OR51L1: variants seen among roughly 807,000 people sequenced by gnomAD.
The protein encoded by OR51L1 is olfactory receptor family 51 subfamily L member 1.
In OR51L1, 1 loss-of-function variant was observed where a neutral mutation model predicts 1.4. The ratio of observed to expected loss-of-function variants is 0.72; its 90% CI spans 0.26 to 3.42. OR51L1 has a LOEUF of 3.42. Among genes scored for constraint, OR51L1 ranks in the 30% most tolerant of loss-of-function variants. The probability of loss-of-function intolerance (pLI) is 0.20; values close to 1 mark genes in which losing one functional copy is unlikely to be tolerated. For missense variants in OR51L1, 378 were observed against 380.0 expected (o/e 0.99, Z 0.04); for synonymous variants, 156 against 144.2 (o/e 1.08, Z -0.59).
intron 2 of OR51L1, 94 bp from the exon 3 acceptor site, chr11:4,998,730 A>G: frequency 2.4e-6 from 1 of 414,178 alleles, no homozygotes; most frequent in Non-Finnish European, 4.3e-6. Context: ...TGCAAATCCA[A>G]CGTATTTCTT....
In OR51L1 at chr11:4,999,282, T is replaced by C. The variant is rs1287416459; in HGVS notation, c.300T>C (p.Tyr100=). Residue 100 remains tyrosine, a synonymous_variant, in exon 3 of 3, where the codon TAT becomes TAC. Coordinates refer to ENST00000641819, the MANE Select transcript of OR51L1 (RefSeq NM_001004755.2). ...DAPEIQASAC[Y]AQLFFIHTFT... ...CAGAGATCCAGGCAAGTGCTTGCTA[T>C]GCTCAGCTGTTCTTCATCCACACAT... 1 of 1,614,226 alleles carries C rather than the reference T, an allele frequency of 6.2e-7. No homozygotes were observed. The highest frequency in any genetic ancestry group is 1.7e-5 in the Admixed American group (1 of 60,018).
intron 1 of OR51L1, among the ~76,000 whole-genome samples, chr11:4,996,190 C>G (rs989170830): frequency 2.0e-5 from 3 of 151,564 alleles, no homozygotes; most frequent in African/African-American, 7.3e-5. Flanking sequence ...AATTGTATAC[C>G]GAAAATTTGC....
chr11:5,003,317 G>A lies in OR51L1; in HGVS notation c.*3387G>A, dbSNP rs1225416928. 2.6e-5 allele frequency: 4 copies of A among 152,004 alleles called. No homozygotes were observed. The highest frequency in any genetic ancestry group is 4.4e-5 in the Non-Finnish European group (3 of 68,032). 9.4% of individuals were successfully genotyped at this position (152,004 alleles called of 1,614,324 possible). ...TGAGCATGCACAGTGTGTTTAGGAA[G>A]TTGTACACGTGCCCATCTGAGGCTT... On this transcript the variant is annotated 3_prime_UTR_variant, in exon 3 of 3. Transcript: ENST00000641819.
In OR51L1 at chr11:5,001,095, T is replaced by C. The variant is rs997761229; in HGVS notation, c.*1165T>C. ...CCCCAGCTAATTTTTGTATTTTTAG[T>C]AGATGCGGGGTTTCACCATGTTGGG... is the stretch of plus-strand genomic sequence containing the variant. On this transcript the variant is annotated 3_prime_UTR_variant, in exon 3 of 3. Coordinates refer to ENST00000641819, the MANE Select transcript of OR51L1 (RefSeq NM_001004755.2). 3 of 152,084 alleles carry C rather than the reference T, an allele frequency of 2.0e-5. No individual in the cohort carries two copies. The highest frequency in any genetic ancestry group is 7.2e-5 in the African/African-American group (3 of 41,398). The allele number at this position is 152,084 out of a possible 1,614,324, so 9.4% of individuals were successfully genotyped here.
rs1847107256 is a variant in OR51L1, at chr11:4,999,550, T to C, written c.568T>C (p.Ser190Pro). The change falls in exon 3 of 3, where the codon TCC becomes CCC. Residue 190 changes from serine (S) to proline (P), a missense_variant. Coordinates refer to ENST00000641819, the MANE Select transcript of OR51L1 (RefSeq NM_001004755.2). ...FCLHQDVLRLSCTDARTNSIY... is the reference protein window; with the variant it reads ...FCLHQDVLRLPCTDARTNSIY... The stretch of plus-strand genomic sequence containing the variant: ...TTTGCACCAGGATGTTCTAAGATTA[T>C]CCTGTACAGATGCCAGGACCAACAG... The C allele has an allele frequency of 1.2e-6, 2 of 1,614,056 alleles. No individual in the cohort carries two copies. The highest frequency in any genetic ancestry group is 1.7e-6 in the Non-Finnish European group (2 of 1,179,994).
intron 1 of OR51L1, among the ~76,000 whole-genome samples, chr11:4,996,721 TTTTCTTTCTTTCTTTCTTTCTTTC>T (rs61073391): frequency 1.3e-4 from 14 of 106,276 alleles, no homozygotes; most frequent in African/African-American, 5.0e-4. Context: ...CTTTCTTTTC[TTTTCTTTCTTTCTTTCTTTCTTTC>T]TTTCTTTCTT....
At position 4,999,121 on chromosome 11, in the gene OR51L1, A is replaced by C; in HGVS notation, c.139A>C (p.Ile47Leu). The change falls in exon 3 of 3, where the codon ATC (isoleucine) becomes CTC (leucine). Residue 47 changes from isoleucine (I) to leucine (L), a missense_variant. Coordinates refer to ENST00000641819, the MANE Select transcript of OR51L1 (RefSeq NM_001004755.2). ...GGTAGCATTTATGGGTAATGTTACCATCCTGTCTGTCATTTGGATAGAATC... is the reference window on the plus strand; with the variant it reads ...GGTAGCATTTATGGGTAATGTTACCCTCCTGTCTGTCATTTGGATAGAATC... The part of the protein sequence containing the change: ...YLVAFMGNVT[I>L]LSVIWIESSL... The C allele has an allele frequency of 4.3e-6, 7 of 1,614,114 alleles. No homozygotes were observed. The highest frequency in any genetic ancestry group is 5.9e-6 in the Non-Finnish European group (7 of 1,179,998).
In OR51L1 at chr11:5,004,896, T is replaced by C. The variant is rs1847162821; in HGVS notation, c.*4966T>C. 1 of 152,158 alleles carries C rather than the reference T, an allele frequency of 6.6e-6. No homozygotes were observed. Among genetic ancestry groups the C allele is most frequent in the Non-Finnish European group, 1.5e-5 (1 of 68,030 alleles). The allele number at this position is 152,158 out of a possible 1,614,324, so 9.4% of individuals were successfully genotyped here. ...GGTAAGGTCAAGGCATATTTTTTGA[T>C]ATGAATACATAGTTCAGTCAGAACT... On this transcript the variant is annotated 3_prime_UTR_variant, in exon 3 of 3. Coordinates refer to ENST00000641819, the MANE Select transcript of OR51L1 (RefSeq NM_001004755.2).
In OR51L1 at chr11:4,999,552, C is replaced by T. The variant is rs769758520; in HGVS notation, c.570C>T (p.Ser190=). The T allele has an allele frequency of 4.5e-5, 73 of 1,613,872 alleles. No homozygotes were observed. The highest frequency in any genetic ancestry group is 5.3e-5 in the Non-Finnish European group (62 of 1,179,990). ...FCLHQDVLRL[S]CTDARTNSIY... ...TGCACCAGGATGTTCTAAGATTATCCTGTACAGATGCCAGGACCAACAGTA... is the reference window on the plus strand; with the variant it reads ...TGCACCAGGATGTTCTAAGATTATCTTGTACAGATGCCAGGACCAACAGTA... The change falls in exon 3 of 3, where the codon TCC becomes TCT. Residue 190 remains serine (S), a synonymous_variant. Coordinates refer to ENST00000641819, the MANE Select transcript of OR51L1 (RefSeq NM_001004755.2).
Position 4,999,465 on chromosome 11 carries a change from AC to A in OR51L1, c.485del (p.Pro162LeufsTer4), listed in dbSNP as rs1284826430. The stretch of plus-strand genomic sequence containing the variant: ...GAAGCTTGGGAGTTGTACTTCCCAC[AC>A]CTTTGCTACTGAGACACTATCACTA... Reference protein sequence around the residue: ...LRSLGVVLPTPLLLRHYHYCH... With the variant: ...LRSLGVVLPTXLLLRHYHYCH... On this transcript the variant is annotated frameshift_variant, in exon 3 of 3. Transcript: ENST00000641819. LOFTEE classifies it low-confidence loss of function (END_TRUNC). 4 of 1,613,904 alleles carry A rather than the reference AC, an allele frequency of 2.5e-6. No individual in the cohort carries two copies. The highest frequency in any genetic ancestry group is 1.3e-5 in the African/African-American group (1 of 74,886).
rs1419309404 is a variant in OR51L1, at chr11:5,002,449, C to T, written c.*2519C>T. The T allele has an allele frequency of 6.6e-6, 1 of 152,184 alleles. No individual in the cohort carries two copies. The highest frequency in any genetic ancestry group is 1.9e-4 in the East Asian group (1 of 5,194). 9.4% of individuals were successfully genotyped at this position (152,184 alleles called of 1,614,324 possible). On this transcript the variant is annotated 3_prime_UTR_variant, in exon 3 of 3. Transcript: ENST00000641819. ...TCCTCCCACAAAAAAAGGGCTCTGACATGGGCTATGATGGACAAAGATATG... is the reference window on the plus strand; with the variant it reads ...TCCTCCCACAAAAAAAGGGCTCTGATATGGGCTATGATGGACAAAGATATG...
Position 5,000,021 on chromosome 11 carries a change from G to C in OR51L1, c.*91G>C. The stretch of plus-strand genomic sequence containing the variant: ...AAAATATCTGGGTGTTGCTCATCTG[G>C]TTAAAATCCTAATTCTTTCACTTCT... On this transcript the variant is annotated 3_prime_UTR_variant, in exon 3 of 3. Coordinates refer to ENST00000641819, the MANE Select transcript of OR51L1 (RefSeq NM_001004755.2). 8.1e-7 allele frequency: 1 copy of C among 1,231,586 alleles called. No homozygotes were observed. The highest frequency in any genetic ancestry group is 1.1e-6 in the Non-Finnish European group (1 of 908,536). The allele number at this position is 1,231,586 out of a possible 1,614,324, so 76.3% of individuals were successfully genotyped here.
rs6578541 is a variant in OR51L1, at chr11:5,004,878, T to A, written c.*4948T>A. On this transcript the variant is annotated 3_prime_UTR_variant, in exon 3 of 3. Transcript: ENST00000641819. Reference sequence around the variant, plus strand: ...TATTTTTATGAATGATGAGGTAAGGTCAAGGCATATTTTTTGATATGAATA... The same window carrying A: ...TATTTTTATGAATGATGAGGTAAGGACAAGGCATATTTTTTGATATGAATA... 1 of 152,110 alleles carries A rather than the reference T, an allele frequency of 6.6e-6. No homozygotes were observed. Among genetic ancestry groups the A allele is most frequent in the African/African-American group, 2.4e-5 (1 of 41,424 alleles). The allele number at this position is 152,110 out of a possible 1,614,324, so 9.4% of individuals were successfully genotyped here. A position where few individuals can be genotyped will look rare whatever the true frequency, so the allele number is the denominator to read the frequency against.
rs945845166 is a variant in OR51L1 at position 5,004,894 on chromosome 11, G to T, written c.*4964G>T. On this transcript the variant is annotated 3_prime_UTR_variant, in exon 3 of 3. Transcript: ENST00000641819. Reference sequence around the variant, plus strand: ...GAGGTAAGGTCAAGGCATATTTTTTGATATGAATACATAGTTCAGTCAGAA... The same window carrying T: ...GAGGTAAGGTCAAGGCATATTTTTTTATATGAATACATAGTTCAGTCAGAA... 4 of 152,006 alleles carry T rather than the reference G, an allele frequency of 2.6e-5. No homozygotes were observed. The highest frequency in any genetic ancestry group is 7.2e-5 in the African/African-American group (3 of 41,388). 9.4% of individuals were successfully genotyped at this position (152,006 alleles called of 1,614,324 possible).
rs1243691531 is a variant in OR51L1 at position 5,005,072 on chromosome 11, A to C, written c.*5142A>C. ...CCAGACTGGAAAGGTAAATGGCCTCAGGCATCTGGGAAGGGCTACCCACAG... is the reference window on the plus strand; with the variant it reads ...CCAGACTGGAAAGGTAAATGGCCTCCGGCATCTGGGAAGGGCTACCCACAG... On this transcript the variant is annotated 3_prime_UTR_variant, in exon 3 of 3. Transcript: ENST00000641819. 6.6e-6 allele frequency: 1 copy of C among 152,200 alleles called. No homozygotes were observed. Among genetic ancestry groups the C allele is most frequent in the South Asian group, 2.1e-4 (1 of 4,824 alleles). The allele number at this position is 152,200 out of a possible 1,614,324, so 9.4% of individuals were successfully genotyped here.
rs1464488096 is a variant in OR51L1 at position 5,003,845 on chromosome 11, G to C, written c.*3915G>C. The stretch of plus-strand genomic sequence containing the variant: ...CTACAATCTATGTACTTTCTTAATA[G>C]TATGTCTGATGACTAGAAATGTTCT... On this transcript the variant is annotated 3_prime_UTR_variant, in exon 3 of 3. Transcript: ENST00000641819. The C allele has an allele frequency of 6.6e-6, 1 of 152,096 alleles. No individual in the cohort carries two copies. The highest frequency in any genetic ancestry group is 6.6e-5 in the Admixed American group (1 of 15,262). The allele number at this position is 152,096 out of a possible 1,614,324, so 9.4% of individuals were successfully genotyped here. A position where few individuals can be genotyped will look rare whatever the true frequency, so the allele number is the denominator to read the frequency against.
rs931160975 is a variant in OR51L1, at chr11:4,998,098, G to T, written c.-160+515G>T. ...TGCATTGTTCTCATTTTGTGGAAGA[G>T]CAGAAAGGGAAATGTCTTTAATGGA... On this transcript the variant is annotated intron_variant, in intron 2 of 2. Coordinates refer to ENST00000641819, the MANE Select transcript of OR51L1 (RefSeq NM_001004755.2). Among the ~76,000 whole-genome samples the T allele has an allele frequency of 5.3e-5, 8 of 151,994 alleles. 1 individual carries two copies. Among genetic ancestry groups the T allele is most frequent in the African/African-American group, 1.9e-4 (8 of 41,368 alleles).
rs1409112491 is a variant in OR51L1 at position 5,002,987 on chromosome 11, G to C, written c.*3057G>C. 6.6e-6 allele frequency: 1 copy of C among 152,170 alleles called. No individual in the cohort carries two copies. The highest frequency in any genetic ancestry group is 1.5e-5 in the Non-Finnish European group (1 of 68,052). The allele number at this position is 152,170 out of a possible 1,614,324, so 9.4% of individuals were successfully genotyped here. ...CTGGTGGAAGGTATTCAAGTTACCA[G>C]TGGCAAATCCATACGGGTCTGCAGC... On this transcript the variant is annotated 3_prime_UTR_variant, in exon 3 of 3. Coordinates refer to ENST00000641819, the MANE Select transcript of OR51L1 (RefSeq NM_001004755.2).
intron 1 of OR51L1, among the ~76,000 whole-genome samples, chr11:4,995,629 T>C (rs1168592152): frequency 6.6e-6 from 1 of 152,108 alleles, no homozygotes; most frequent in Non-Finnish European, 1.5e-5. Flanking sequence ...TCTCCCTTAA[T>C]TACCTGGAAT....
Sources: allele counts gnomAD v4.1 joint callset (sites outside exome capture counted in the v4.1 genomes callset), GRCh38; gene constraint gnomAD v4.1.1; transcripts MANE v1.5; gene names NCBI Gene and HGNC (gene_info 2026-07-23, HGNC 2026-07-21).